LRRC4C: variants seen among roughly 807,000 people sequenced by gnomAD.
LRRC4C encodes the protein leucine-rich repeat-containing protein 4C.
LRRC4C carries 5 observed loss-of-function variants against 33.6 expected under a neutral mutation model. The observed-to-expected ratio is 0.15, with a 90% CI of 0.08 to 0.31. LRRC4C has a LOEUF of 0.31. Among genes scored for constraint, LRRC4C ranks in the 10% least tolerant of loss-of-function variants. LRRC4C has a pLI of 1.00. For synonymous variants in LRRC4C, 329 were observed against 302.0 expected (o/e 1.09, Z -0.93); for missense variants, 560 against 796.7 (o/e 0.70, Z 3.58).
chr11:40,924,624 A>G (rs1472325967), intron 2 of LRRC4C, among the ~76,000 whole-genome samples: 1 of 152,148 alleles, frequency 6.6e-6, no homozygotes, highest in Non-Finnish European at 1.5e-5. Context: ...TGTACCTCAA[A>G]TTAGCTAGAA....
At chr11:40,816,502 G>C (rs1412680726) in intron 2 of LRRC4C, among the ~76,000 whole-genome samples, 1 of 152,128 alleles carries the variant, frequency 6.6e-6, no homozygotes, top group Non-Finnish European at 1.5e-5. Flanking sequence ...TATGTTGTGT[G>C]CAAAAAGCAA....
In LRRC4C at chr11:41,325,572, T is replaced by TG. The variant is rs1565582772; in HGVS notation, c.-496+133858_-496+133859insC. Among the ~76,000 whole-genome samples the TG allele has an allele frequency of 1.1e-3, 102 of 96,414 alleles. 1 individual carries two copies. Among genetic ancestry groups the TG allele is most frequent in the African/African-American group, 3.2e-3 (94 of 29,548 alleles). 63.3% of individuals were successfully genotyped at this position (96,414 alleles called of 152,430 possible). On this transcript the variant is annotated intron_variant, in intron 1 of 6. Transcript: ENST00000528697. The stretch of plus-strand genomic sequence containing the variant: ...AAAAATTATTGTCCTTATAGTTTTT[T>TG]TTTTTTGTGTGTGTGTGTGTGTGTG...
intron 2 of LRRC4C, among the ~76,000 whole-genome samples, chr11:40,846,106 A>T: frequency 1.3e-5 from 2 of 151,226 alleles, no homozygotes; most frequent in Non-Finnish European, 1.5e-5. Flanking sequence ...AGATTGCAAA[A>T]ATTTTCTCCC....
intron 3 of LRRC4C, among the ~76,000 whole-genome samples, chr11:40,575,495 C>T (rs1341783489): frequency 1.3e-5 from 2 of 151,936 alleles, no homozygotes; most frequent in Non-Finnish European, 2.9e-5. Flanking sequence ...GTCTATCACC[C>T]TACTTTTAAA....
chr11:40,239,170 C>T (rs1163081360), intron 5 of LRRC4C, among the ~76,000 whole-genome samples: 1 of 152,168 alleles, frequency 6.6e-6, no homozygotes, highest in Non-Finnish European at 1.5e-5. Context: ...ACAATGTCTT[C>T]CTAACTCCCC....
At chr11:40,981,767 A>C (rs1419224632) in intron 1 of LRRC4C, among the ~76,000 whole-genome samples, 2 of 152,234 alleles carry the variant, frequency 1.3e-5, no homozygotes, top group Non-Finnish European at 2.9e-5. Flanking sequence ...GTAATATGAA[A>C]ACAAAAGTCA....
intron 1 of LRRC4C, among the ~76,000 whole-genome samples, chr11:41,258,611 A>G (rs1223411433): frequency 6.6e-6 from 1 of 151,964 alleles, no homozygotes; most frequent in Non-Finnish European, 1.5e-5. Context: ...ATATATAAAT[A>G]TTGAGAACAA....
chr11:40,748,543 C>G (rs997938135), intron 2 of LRRC4C, among the ~76,000 whole-genome samples: 1 of 151,924 alleles, frequency 6.6e-6, no homozygotes, highest in Non-Finnish European at 1.5e-5. Flanking sequence ...AACCACCAAA[C>G]CTCAATGACA....
At chr11:40,398,434 T>C (rs926752138) in intron 3 of LRRC4C, among the ~76,000 whole-genome samples, 16 of 152,102 alleles carry the variant, frequency 1.1e-4, no homozygotes, top group African/African-American at 2.4e-4. Context: ...CAAATGCCTG[T>C]TGTGGTTACA....
At chr11:40,975,457 T>C (rs1230579730) in intron 1 of LRRC4C, among the ~76,000 whole-genome samples, 1 of 152,240 alleles carries the variant, frequency 6.6e-6, no homozygotes, top group Non-Finnish European at 1.5e-5. Context: ...TCAATGCTCT[T>C]TCTTCAGTTG....
chr11:41,298,251 A>G (rs1950194623), intron 1 of LRRC4C, among the ~76,000 whole-genome samples: 1 of 152,146 alleles, frequency 6.6e-6, no homozygotes, highest in South Asian at 2.1e-4. Flanking sequence ...AGTACAAATT[A>G]CAGACAGAAG....
intron 1 of LRRC4C, among the ~76,000 whole-genome samples, chr11:41,192,272 C>A (rs1234227770): frequency 6.6e-6 from 1 of 151,886 alleles, no homozygotes; most frequent in Admixed American, 6.6e-5. Context: ...TTATCTTTTT[C>A]ACTTCTTTTG....
chr11:40,901,273 G>T (rs1187711169), intron 2 of LRRC4C, among the ~76,000 whole-genome samples: 2 of 151,910 alleles, frequency 1.3e-5, no homozygotes, highest in East Asian at 3.9e-4. Context: ...TTGTCATTCT[G>T]AACTATAAAA....
At position 40,115,138 on chromosome 11, in the gene LRRC4C, A is replaced by C; in HGVS notation, c.1155T>G (p.Ser385=). 1 of 1,614,218 alleles carries C rather than the reference A, an allele frequency of 6.2e-7. No homozygotes were observed. The highest frequency in any genetic ancestry group is 8.5e-7 in the Non-Finnish European group (1 of 1,180,032). ...CRASTSLTSV[S]WITPNGTVMT... is the part of the protein sequence containing the mutation. ...TGACTGTTCCATTTGGAGTAATCCA[A>C]GATACAGATGTCAGGGATGTGGAGG... is the stretch of plus-strand genomic sequence containing the variant. The change falls in exon 7 of 7, where the codon TCT becomes TCG. Residue 385 remains serine, a synonymous_variant. Transcript: ENST00000528697. The surrounding 1 kb of genome is among the most constrained non-coding windows in gnomAD (Gnocchi z 6.7).
intron 2 of LRRC4C, among the ~76,000 whole-genome samples, chr11:40,817,169 G>T (rs1951739847): frequency 6.6e-6 from 1 of 152,136 alleles, no homozygotes; most frequent in African/African-American, 2.4e-5. Flanking sequence ...CTGCCAGTGT[G>T]TCTGAACTTG....
Position 40,115,627 on chromosome 11 carries a change from A to G in LRRC4C, c.666T>C (p.Asp222=), listed in dbSNP as rs920827772. ...AATGATTCCCAGAAAGATCCAGCTC[A>G]TCTAGTTTTATGAGCGGTGTGAGGT... The part of the protein sequence containing the change: ...IPNLTPLIKL[D]ELDLSGNHLS... The change falls in exon 7 of 7, where the codon GAT becomes GAC. Residue 222 remains aspartate, a synonymous_variant. Transcript: ENST00000528697. The surrounding 1 kb of genome is among the most constrained non-coding windows in gnomAD (Gnocchi z 6.7). 12 of 1,613,532 alleles carry G rather than the reference A, an allele frequency of 7.4e-6. No individual in the cohort carries two copies. Among genetic ancestry groups the G allele is most frequent in the Non-Finnish European group, 1.0e-5 (12 of 1,179,418 alleles).
chr11:40,885,196 A>G (rs1489437417), intron 2 of LRRC4C, among the ~76,000 whole-genome samples: 1 of 152,094 alleles, frequency 6.6e-6, no homozygotes, highest in Non-Finnish European at 1.5e-5. Flanking sequence ...AAATACATAA[A>G]TAAACTTTTT....
intron 3 of LRRC4C, among the ~76,000 whole-genome samples, chr11:40,554,235 G>T (rs998487497): frequency 6.6e-6 from 1 of 152,138 alleles, no homozygotes; most frequent in Non-Finnish European, 1.5e-5. Flanking sequence ...CTTTGTTGAA[G>T]AGCAGTTGGT....
intron 1 of LRRC4C, among the ~76,000 whole-genome samples, chr11:41,346,861 C>T (rs1354289349): frequency 2.0e-5 from 3 of 152,138 alleles, no homozygotes; most frequent in African/African-American, 7.2e-5. Context: ...TAAAAAGGGG[C>T]CATGTGGGCT....
Sources: gnomAD v4.1 joint callset for allele counts (sites outside exome capture counted in the v4.1 genomes callset) on GRCh38, gnomAD v4.1.1 for gene constraint, Gnocchi (gnomAD v3.1) non-coding constraint, MANE v1.5 for transcripts, NCBI Gene and HGNC (gene_info 2026-07-23, HGNC 2026-07-21) for gene names.